ESRRB: variants seen among roughly 807,000 people sequenced by gnomAD.
ESRRB encodes estrogen related receptor beta, also known as steroid hormone receptor ERR2.
Under a neutral mutation model 46.0 loss-of-function variants are expected in ESRRB, and 16 were observed. That is an observed-to-expected ratio of 0.35 (90% CI 0.24 to 0.53). The LOEUF (loss-of-function observed/expected upper bound fraction) is 0.53. Ranked by LOEUF, ESRRB falls within the 20% of genes least tolerant of loss-of-function variation. ESRRB has a pLI of 0.93. For missense variants in ESRRB, 488 were observed against 607.4 expected, an observed-to-expected ratio of 0.80 and a Z score of 2.07; for synonymous variants, 246 against 259.6, an observed-to-expected ratio of 0.95 and a Z score of 0.50.
In ESRRB at chr14:76,398,903, A is replaced by G. The variant is rs115284036; in HGVS notation, c.50+22452A>G. On this transcript the variant is annotated intron_variant, in intron 1 of 6. Transcript: ENST00000644823. ...ACTCACCACCACCATCCTGCATTTGATTCGGTTCAGCCTCTCTGTCTGCTG... is the reference window on the plus strand; with the variant it reads ...ACTCACCACCACCATCCTGCATTTGGTTCGGTTCAGCCTCTCTGTCTGCTG... Among the ~76,000 whole-genome samples, 610 of 152,162 alleles carry G rather than the reference A, an allele frequency of 4.0e-3. 4 individuals carry two copies. Among genetic ancestry groups the G allele is most frequent in the African/African-American group, 0.014 (589 of 41,518 alleles).
intron 1 of ESRRB, among the ~76,000 whole-genome samples, chr14:76,434,884 G>C (rs964145630): frequency 2.6e-5 from 4 of 152,136 alleles, no homozygotes; most frequent in South Asian, 2.1e-4. Flanking sequence ...CTTCTCCCAG[G>C]ACTCAAGTGA....
At chr14:76,430,164 A>G (rs1887380696) in intron 1 of ESRRB, among the ~76,000 whole-genome samples, 2 of 152,154 alleles carry the variant, frequency 1.3e-5, no homozygotes, top group South Asian at 4.1e-4. Flanking sequence ...GCAATCTTTA[A>G]TACTATTTTA....
intron 5 of ESRRB, among the ~76,000 whole-genome samples, chr14:76,488,090 C>A (rs1595168517): frequency 6.6e-6 from 1 of 152,194 alleles, no homozygotes; most frequent in Non-Finnish European, 1.5e-5. Flanking sequence ...TGTCCCCTCC[C>A]ATTCCGACCT....
chr14:76,407,453 C>G (rs576939459), intron 1 of ESRRB: 2 of 813,232 alleles, frequency 2.5e-6, no homozygotes, highest in African/African-American at 1.9e-5. Context: ...AGCCACCAGG[C>G]TAAATCCTCT....
chr14:76,332,295 C>G (rs1046670955), intron 1 of ESRRB, among the ~76,000 whole-genome samples: 2 of 149,522 alleles, frequency 1.3e-5, no homozygotes, highest in South Asian at 4.2e-4. Context: ...TAATTTTAAA[C>G]TTTCTAGTAG....
chr14:76,440,775 A>T (rs2139937148), intron 2 of ESRRB, among the ~76,000 whole-genome samples: 1 of 151,200 alleles, frequency 6.6e-6, no homozygotes, highest in East Asian at 2.0e-4. Flanking sequence ...ACACTGGCTT[A>T]AGTCTGTAAT....
intron 2 of ESRRB, among the ~76,000 whole-genome samples, chr14:76,452,799 T>TTC (rs1888450238): frequency 6.6e-6 from 1 of 152,124 alleles, no homozygotes; most frequent in African/African-American, 2.4e-5. Flanking sequence ...AAGGAACAAT[T>TTC]TCGTCAGCTG....
chr14:76,488,016 C>T (rs1422011550), intron 5 of ESRRB, among the ~76,000 whole-genome samples: 1 of 152,156 alleles, frequency 6.6e-6, no homozygotes, highest in Non-Finnish European at 1.5e-5. Flanking sequence ...ATCTTAAGCA[C>T]TGACTGGGTT....
intron 1 of ESRRB, among the ~76,000 whole-genome samples, chr14:76,429,903 T>A (rs1887366221): frequency 6.6e-6 from 1 of 152,032 alleles, no homozygotes; most frequent in Non-Finnish European, 1.5e-5. Context: ...CAGAATTGGA[T>A]TCTTCATTAT....
chr14:76,318,247 A>G (rs1883825232), intron 1 of ESRRB, among the ~76,000 whole-genome samples: 1 of 152,128 alleles, frequency 6.6e-6, no homozygotes, highest in Non-Finnish European at 1.5e-5. Flanking sequence ...CCTTTAGCAG[A>G]GTTGGAAGCG....
chr14:76,369,808 G>A (rs60970617), upstream of ESRRB, among the ~76,000 whole-genome samples: 5,963 of 152,196 alleles, frequency 0.039, 166 homozygotes, highest in East Asian at 0.12. Context: ...TTCTTTGTTT[G>A]CACTTAACAA....
intron 1 of ESRRB, among the ~76,000 whole-genome samples, chr14:76,428,804 A>G (rs1887308913): frequency 6.6e-6 from 1 of 152,184 alleles, no homozygotes; most frequent in African/African-American, 2.4e-5. Flanking sequence ...GAAAGGCACT[A>G]ATTACCCATT....
intron 1 of ESRRB, among the ~76,000 whole-genome samples, chr14:76,390,410 A>C (rs956649115): frequency 6.6e-6 from 1 of 152,048 alleles, no homozygotes; most frequent in African/African-American, 2.4e-5. Context: ...GATCACTTGA[A>C]CCCAGGAGGT....
chr14:76,464,881 CTT>C (rs1335332204), intron 3 of ESRRB, among the ~76,000 whole-genome samples: 1 of 152,078 alleles, frequency 6.6e-6, no homozygotes, highest in East Asian at 1.9e-4. Flanking sequence ...GTGCTGGTCT[CTT>C]GACTTTCTCT....
At chr14:76,423,256 A>G (rs142452534) in intron 1 of ESRRB, among the ~76,000 whole-genome samples, 1,570 of 147,592 alleles carry the variant, frequency 0.011, 16 homozygotes, top group Admixed American at 0.016. Context: ...AAATTCTCAC[A>G]CCTCAGCCTC....
chr14:76,392,728 G>A (rs1272572367), intron 1 of ESRRB, among the ~76,000 whole-genome samples: 1 of 152,270 alleles, frequency 6.6e-6, no homozygotes, highest in East Asian at 1.9e-4. Context: ...GCTGCCACCA[G>A]GGCCTCATCC....
rs544459054 is a variant in ESRRB, at chr14:76,436,180, G to A, written c.51-3161G>A. On this transcript the variant is annotated intron_variant, in intron 1 of 6. Transcript: ENST00000644823. ...GAAACCAAGGCTTGGGGAGCAAACC[G>A]CCGCCTGCTCTGGTGTCCTTCAGGG... 4.8e-4 allele frequency among the ~76,000 whole-genome samples: 73 copies of A among 152,306 alleles called. No individual in the cohort carries two copies. The South Asian group carries it at 0.013, about 26-fold the overall frequency.
At chr14:76,463,266 C>T (rs1020884536) in intron 3 of ESRRB, 3 of 175,306 alleles carry the variant, frequency 1.7e-5, no homozygotes, top group Non-Finnish European at 2.5e-5. Flanking sequence ...GAGTGCTGGT[C>T]CAAACAGAGG....
upstream of ESRRB, among the ~76,000 whole-genome samples, chr14:76,374,605 C>T (rs1884701456): frequency 6.6e-6 from 1 of 152,126 alleles, no homozygotes; most frequent in Non-Finnish European, 1.5e-5. Flanking sequence ...AGAAAGGATG[C>T]CGAAAAACCA....
Sources: gnomAD v4.1 joint callset for allele counts (sites outside exome capture counted in the v4.1 genomes callset) on GRCh38, gnomAD v4.1.1 for gene constraint, MANE v1.5 for transcripts, NCBI Gene and HGNC (gene_info 2026-07-23, HGNC 2026-07-21) for gene names.